Variants in BCL7C observed in about 807,000 individuals in gnomAD.
The protein encoded by BCL7C is B-cell CLL/lymphoma 7 protein family member C.
In BCL7C, 8 loss-of-function variants were observed where a neutral mutation model predicts 26.2. The ratio of observed to expected loss-of-function variants is 0.30; its 90% CI spans 0.18 to 0.55. The LOEUF (loss-of-function observed/expected upper bound fraction) is 0.55, where lower values mean the gene tolerates loss of function less well. Among genes scored for constraint, BCL7C ranks in the 20% least tolerant of loss-of-function variants. BCL7C has a pLI of 0.93. For missense variants in BCL7C, 262 were observed against 298.5 expected, an observed-to-expected ratio of 0.88 and a Z score of 0.90; for synonymous variants, 90 against 116.5, an observed-to-expected ratio of 0.77 and a Z score of 1.47.
At chr16:30,860,955 G>A (rs1005373343) in intron 5 of BCL7C, among the ~76,000 whole-genome samples, 10 of 151,956 alleles carry the variant, frequency 6.6e-5, no homozygotes, top group South Asian at 2.1e-4. Flanking sequence ...CACCCGGTCC[G>A]GCTTACAGTT....
chr16:30,878,580 C>G (rs1397216244), intron 5 of BCL7C, among the ~76,000 whole-genome samples: 7 of 151,208 alleles, frequency 4.6e-5, no homozygotes. Flanking sequence ...CGTGGTGGCT[C>G]ACGCCTGTAA....
chr16:30,843,208 TGA>T (rs2151360196), intron 5 of BCL7C, among the ~76,000 whole-genome samples: 1 of 152,284 alleles, frequency 6.6e-6, no homozygotes, highest in South Asian at 2.1e-4. Flanking sequence ...TTCTGTAGAA[TGA>T]GAGATACTCC....
chr16:30,875,341 C>T (rs762670793), intron 5 of BCL7C: 1 of 153,190 alleles, frequency 6.5e-6, no homozygotes, highest in Non-Finnish European at 1.5e-5. Context: ...GTCTCAGCCT[C>T]GGCGGGTCGG....
intron 5 of BCL7C, among the ~76,000 whole-genome samples, chr16:30,871,723 G>C (rs1359377723): frequency 2.0e-5 from 3 of 152,146 alleles, no homozygotes; most frequent in Non-Finnish European, 4.4e-5. Flanking sequence ...GACCTCAGGT[G>C]ATCTGCCTAC....
intron 5 of BCL7C, among the ~76,000 whole-genome samples, chr16:30,869,858 C>T (rs1243764154): frequency 6.6e-6 from 1 of 152,116 alleles, no homozygotes; most frequent in Non-Finnish European, 1.5e-5. Context: ...CATAGAATGG[C>T]ACCTCCATGA....
At position 30,893,417 on chromosome 16, in the gene BCL7C, TG is replaced by T; in HGVS notation, c.93-128del. The T allele has an allele frequency of 3.0e-6, 2 of 668,954 alleles. No homozygotes were observed. 41.4% of individuals were successfully genotyped at this position (668,954 alleles called of 1,614,324 possible). On this transcript the variant is annotated intron_variant, in intron 1 of 5. Coordinates refer to ENST00000215115, the MANE Select transcript of BCL7C (RefSeq NM_004765.4). This position sits in a 1 kb window ranked among gnomAD's most constrained non-coding sequence, Gnocchi z 5.2. ...AGGAGGATAGCAACAGTTTTGCTAA[TG>T]GGGCATAGTTACATGGAGGAAGAGA...
chr16:30,866,822 G>A (rs755176618), intron 5 of BCL7C, among the ~76,000 whole-genome samples: 2 of 152,168 alleles, frequency 1.3e-5, no homozygotes, highest in African/African-American at 2.4e-5. Flanking sequence ...GGGAAGCTGA[G>A]GTGGGAGGAT....
In BCL7C at chr16:30,849,900, A is replaced by G. The variant is rs796579221; in HGVS notation, c.529-14752T>C. ...AGAGATGGGTTTTGCCATGTTGCCC[A>G]GGCTGGTCTCAAACTTCTGGGCTGA... On this transcript the variant is annotated intron_variant, in intron 5 of 5. Coordinates refer to the BCL7C transcript ENST00000380317. Among the ~76,000 whole-genome samples, 11 of 152,110 alleles carry G rather than the reference A, an allele frequency of 7.2e-5. No individual in the cohort carries two copies. The South Asian group carries it at 2.3e-3, about 32-fold the overall frequency.
downstream of BCL7C, among the ~76,000 whole-genome samples, chr16:30,883,536 CTTTTTTTTTTTTTTTTT>C (rs71149065): frequency 4.4e-5 from 2 of 45,462 alleles, no homozygotes; most frequent in Admixed American, 3.8e-4. Context: ...GCCAAACTGG[CTTTTTTTTTTTTTTTTT>C]TTTTTTTTTT....
At chr16:30,863,024 C>G (rs1357903982) in intron 5 of BCL7C, among the ~76,000 whole-genome samples, 2 of 152,140 alleles carry the variant, frequency 1.3e-5, no homozygotes, top group African/African-American at 4.8e-5. Context: ...TGTAGCCTAT[C>G]CAAACAACTT....
At chr16:30,883,610 A>G (rs1191412862), downstream of BCL7C, among the ~76,000 whole-genome samples, 1 of 120,680 alleles carries the variant, frequency 8.3e-6, no homozygotes, top group East Asian at 2.5e-4. Flanking sequence ...TCCGCCTCCC[A>G]CGTTCAAGTG....
chr16:30,851,115 AT>A, intron 5 of BCL7C: 2 of 251,422 alleles, frequency 8.0e-6, no homozygotes, highest in Admixed American at 4.4e-5. Flanking sequence ...CTTGGAAAGC[AT>A]TTTCTGCATC....
chr16:30,854,646 C>T (rs559402760), intron 5 of BCL7C, among the ~76,000 whole-genome samples: 1 of 151,996 alleles, frequency 6.6e-6, no homozygotes, highest in South Asian at 2.1e-4. Flanking sequence ...AGCTTATCTA[C>T]AGTTTCCAAA....
At chr16:30,835,978 C>T (rs1362421884) in intron 5 of BCL7C, among the ~76,000 whole-genome samples, 2 of 151,794 alleles carry the variant, frequency 1.3e-5, no homozygotes, top group Non-Finnish European at 2.9e-5. Context: ...TGGGGCCAGG[C>T]GTGGTGGCTC....
downstream of BCL7C, among the ~76,000 whole-genome samples, chr16:30,884,955 C>T (rs922616373): frequency 2.0e-5 from 3 of 152,146 alleles, no homozygotes; most frequent in Non-Finnish European, 4.4e-5. Context: ...GGGACTTTCC[C>T]ATTTACAGAA....
rs758573108 is a variant in BCL7C at position 30,879,700 on chromosome 16, A to AAAAAAAAAAAAAAAAC, written c.528+9159_528+9160insGTTTTTTTTTTTTTTT. Among the ~76,000 whole-genome samples the AAAAAAAAAAAAAAAAC allele has an allele frequency of 8.1e-5, 11 of 135,114 alleles. 1 individual carries two copies. The highest frequency in any genetic ancestry group is 1.5e-4 in the Admixed American group (2 of 13,108). 88.6% of individuals were successfully genotyped at this position (135,114 alleles called of 152,430 possible). On this transcript the variant is annotated intron_variant, in intron 5 of 5. Coordinates refer to the BCL7C transcript ENST00000380317. The stretch of plus-strand genomic sequence containing the variant: ...ACTCCCCTTCTCTACAAAAAAAAAA[A>AAAAAAAAAAAAAAAAC]AAAAAAAAACTGGGCACGGTGGCTC...
downstream of BCL7C, among the ~76,000 whole-genome samples, chr16:30,886,776 T>G (rs116872004): frequency 3.4e-3 from 510 of 152,180 alleles, 3 homozygotes; most frequent in Admixed American, 6.2e-3. Flanking sequence ...CAACCAGAAG[T>G]GTGGCCAGGC....
intron 5 of BCL7C, among the ~76,000 whole-genome samples, chr16:30,853,760 A>G (rs1343731799): frequency 1.3e-5 from 2 of 152,006 alleles, no homozygotes; most frequent in African/African-American, 4.8e-5. Flanking sequence ...TTCTTCAGCT[A>G]TGTATTCCTG....
chr16:30,876,580 G>A (rs1360134108), intron 5 of BCL7C, among the ~76,000 whole-genome samples: 1 of 152,140 alleles, frequency 6.6e-6, no homozygotes, highest in Non-Finnish European at 1.5e-5. Context: ...TCTAGCAGGG[G>A]AAGTGAGATG....
Sources: gnomAD v4.1 joint callset for allele counts (sites outside exome capture counted in the v4.1 genomes callset) on GRCh38, gnomAD v4.1.1 for gene constraint, Gnocchi (gnomAD v3.1) non-coding constraint, MANE v1.5 for transcripts, NCBI Gene and HGNC (gene_info 2026-07-23, HGNC 2026-07-21) for gene names.